The following RASGRP4 variants were observed in gnomAD, a reference collection of about 807,000 sequenced individuals.
The protein encoded by RASGRP4 is RAS guanyl releasing protein 4, also known as RAS guanyl-releasing protein 4.
A neutral mutation model predicts 84.4 loss-of-function variants in RASGRP4; 52 were observed. The ratio of observed to expected loss-of-function variants is 0.62; its 90% confidence interval spans 0.49 to 0.78. The LOEUF (loss-of-function observed/expected upper bound fraction) is 0.78. Among genes scored for constraint, RASGRP4 ranks in the 30% least tolerant of loss-of-function variants. The pLI is 0.00. For synonymous variants in RASGRP4, 356 were observed against 359.1 expected (o/e 0.99, Z 0.10); for missense variants, 760 against 886.9 (o/e 0.86, Z 1.82).
chr19:38,424,190 G>C (rs1971887981), intron 1 of RASGRP4, among the ~76,000 whole-genome samples: 1 of 151,966 alleles, frequency 6.6e-6, no homozygotes, highest in South Asian at 2.1e-4. Context: ...TGCGATCTCA[G>C]CTCACTGCAA....
chr19:38,410,516 G>A (rs1971193506), intron 16 of RASGRP4, among the ~76,000 whole-genome samples: 1 of 151,308 alleles, frequency 6.6e-6, no homozygotes, highest in African/African-American at 2.4e-5. Context: ...GGGCTCAAGT[G>A]ATTCTCCTGC....
Position 38,409,079 on chromosome 19 carries a change from A to T in RASGRP4, c.*961T>A. 2.3e-5 allele frequency: 10 copies of T among 434,058 alleles called. No homozygotes were observed. The highest frequency in any genetic ancestry group is 5.4e-5 in the East Asian group (1 of 18,582). 26.9% of individuals were successfully genotyped at this position (434,058 alleles called of 1,614,324 possible). A position where few individuals can be genotyped will look rare whatever the true frequency, so the allele number is the denominator to read the frequency against. ...GTTCTCCAGAGAATAAATTTAATTT[A>T]TGACAGCTGTAGGACCTCTCTCTGT... On this transcript the variant is annotated 3_prime_UTR_variant, in exon 17 of 17. Transcript: ENST00000615439.
In RASGRP4 at chr19:38,412,759, G is replaced by C; in HGVS notation, c.1593C>G (p.Ile531Met). Residue 531 changes from isoleucine (I) to methionine (M), a missense_variant, in exon 13 of 17, where the codon ATC becomes ATG. Physicochemically the swap from Ile to Met is conservative, Grantham distance 10. Coordinates refer to ENST00000615439, the MANE Select transcript of RASGRP4 (RefSeq NM_170604.3). The surrounding 1 kb of genome is among the most constrained non-coding windows in gnomAD (Gnocchi z 4.6). ...LTGYLLRASA[I>M]CSKLGLAFLH... ...GGAAGGCCAGGCCCAACTTGGAGCAGATGGCGCTGGCCCGGAGCAGGTACC... is the reference window on the plus strand; with the variant it reads ...GGAAGGCCAGGCCCAACTTGGAGCACATGGCGCTGGCCCGGAGCAGGTACC... The C allele has an allele frequency of 6.2e-7, 1 of 1,609,920 alleles. No individual in the cohort carries two copies. Among genetic ancestry groups the C allele is most frequent in the Non-Finnish European group, 8.5e-7 (1 of 1,178,066 alleles).
rs1414201030 is a variant in RASGRP4, at chr19:38,412,692, A to G, written c.1660T>C (p.Cys554Arg). 2 of 1,613,460 alleles carry G rather than the reference A, an allele frequency of 1.2e-6. No individual in the cohort carries two copies. Among genetic ancestry groups the G allele is most frequent in the Admixed American group, 1.7e-5 (1 of 59,932 alleles). Residue 554 changes from cysteine (C) to arginine (R), a missense_variant, in exon 13 of 17, where the codon TGC (cysteine) becomes CGC (arginine). Cys to Arg is a radical substitution (Grantham distance 180). Transcript: ENST00000615439. The surrounding 1 kb of genome is among the most constrained non-coding windows in gnomAD (Gnocchi z 4.6). ...CTCACGAAGCCACTGCAGCTGTCGC[A>G]GAAGGTAGGCTTTCGGAAGGTGACC... ...HEVTFRKPTF[C>R]DSCSGFLWGV...
Position 38,413,115 on chromosome 19 carries a change from T to TC in RASGRP4, c.1417-67dup, listed in dbSNP as rs1971339101. On this transcript the variant is annotated intron_variant, in intron 11 of 16. Transcript: ENST00000615439. This position sits in a 1 kb window ranked among gnomAD's most constrained non-coding sequence, Gnocchi z 4.7. ...GAAATATGATCCCCATGGCCATAAG[T>TC]CCCCACCTCCAGGCTCAGGGTTCTA... 6.4e-7 allele frequency: 1 copy of TC among 1,571,888 alleles called. No individual in the cohort carries two copies. The highest frequency in any genetic ancestry group is 8.8e-7 in the Non-Finnish European group (1 of 1,141,944).
At chr19:38,419,815 C>A in intron 6 of RASGRP4, 45 bp downstream of exon 6, 1 of 1,535,744 alleles carries the variant, frequency 6.5e-7, no homozygotes, top group South Asian at 1.2e-5. Context: ...CTCCCCTACC[C>A]CAGTGTCTCC....
Position 38,417,175 on chromosome 19 carries a change from A to G in RASGRP4, c.838-7T>C. ...TCTGCAGCTGGTGGAGCCTCTAGGAAGAGAAGCATGCACACAGGGCCGTCA... is the reference window on the plus strand; with the variant it reads ...TCTGCAGCTGGTGGAGCCTCTAGGAGGAGAAGCATGCACACAGGGCCGTCA... On this transcript the variant is annotated splice_region_variant and splice_polypyrimidine_tract_variant and intron_variant, in intron 7 of 16. Transcript: ENST00000615439. This position sits in a 1 kb window ranked among gnomAD's most constrained non-coding sequence, Gnocchi z 5.1. The G allele has an allele frequency of 6.5e-7, 1 of 1,542,482 alleles. No individual in the cohort carries two copies. Among genetic ancestry groups the G allele is most frequent in the African/African-American group, 1.4e-5 (1 of 73,020 alleles).
Position 38,411,107 on chromosome 19 carries a change from G to C in RASGRP4, c.1852+8C>G. The C allele has an allele frequency of 6.2e-7, 1 of 1,613,180 alleles. No homozygotes were observed. On this transcript the variant is annotated splice_region_variant and intron_variant, in intron 15 of 16. Coordinates refer to ENST00000615439, the MANE Select transcript of RASGRP4 (RefSeq NM_170604.3). ...CCCTTCCCAGCACCGGTGTGCTCTA[G>C]GTCTTACCACAGCTGGCATGGGGAG...
Position 38,418,701 on chromosome 19 carries a change from T to TCAGCAACCC in RASGRP4, c.664-138_664-137insGGGTTGCTG. 1.2e-6 allele frequency: 1 copy of TCAGCAACCC among 818,274 alleles called. No homozygotes were observed. Among genetic ancestry groups the TCAGCAACCC allele is most frequent in the South Asian group, 1.9e-5 (1 of 53,188 alleles). The allele number at this position is 818,274 out of a possible 1,614,324, so 50.7% of individuals were successfully genotyped here. The stretch of plus-strand genomic sequence containing the variant: ...ACCTTTGTCATCTGTCCCCCAACCC[T>TCAGCAACCC]CAGGCTGCTACATGTCCTTAACGTC... On this transcript the variant is annotated intron_variant, in intron 6 of 16. Coordinates refer to ENST00000615439, the MANE Select transcript of RASGRP4 (RefSeq NM_170604.3). The surrounding 1 kb of genome is among the most constrained non-coding windows in gnomAD (Gnocchi z 4.6).
In RASGRP4 at chr19:38,415,104, T is replaced by A; in HGVS notation, c.974A>T (p.Glu325Val). Residue 325 changes from glutamate (E) to valine (V), a missense_variant, in exon 9 of 17, where the codon GAG (glutamate) becomes GTG (valine). Physicochemically the swap from Glu to Val is moderately radical, Grantham distance 121. Transcript: ENST00000615439. ...DSTKALLELTELLASHNNYAR... is the reference protein window; with the variant it reads ...DSTKALLELTVLLASHNNYAR... ...GTAGTTGTTGTGGGAGGCAAGGAGC[T>A]CAGTGAGCTCCAGGAGGGCCTGGGG... 1 of 1,597,402 alleles carries A rather than the reference T, an allele frequency of 6.3e-7. No homozygotes were observed. The highest frequency in any genetic ancestry group is 8.5e-7 in the Non-Finnish European group (1 of 1,171,692).
intron 16 of RASGRP4, 146 bp from the exon 17 acceptor site, chr19:38,410,242 CA>C (rs1971172725): frequency 1.7e-6 from 1 of 601,782 alleles, no homozygotes; most frequent in Admixed American, 3.3e-5. Flanking sequence ...TTTTGTAACC[CA>C]ATCTGAGAGT....
At chr19:38,420,302 G>A in intron 4 of RASGRP4, 40 bp from the exon 5 acceptor site, 4 of 1,602,884 alleles carry the variant, frequency 2.5e-6, no homozygotes, top group Non-Finnish European at 3.4e-6. Context: ...GGCCGGGGGT[G>A]GCGAAGGTCT....
Position 38,414,911 on chromosome 19 carries a change from C to T in RASGRP4, c.1167G>A (p.Leu389=), listed in dbSNP as rs1971431776. The T allele has an allele frequency of 1.2e-6, 2 of 1,610,974 alleles. No individual in the cohort carries two copies. Among genetic ancestry groups the T allele is most frequent in the African/African-American group, 1.3e-5 (1 of 74,922 alleles). Residue 389 remains leucine, a synonymous_variant, in exon 9 of 17, where the codon CTG becomes CTA. Transcript: ENST00000615439. ...LNNLYLRLQE[L]VALQGQHPPC... is the part of the protein sequence containing the mutation. ...GTGGATGCTGCCCTTGGAGGGCCACCAGCTCCTGCAGCCGCAGGTAGAGGT... is the reference window on the plus strand; with the variant it reads ...GTGGATGCTGCCCTTGGAGGGCCACTAGCTCCTGCAGCCGCAGGTAGAGGT...
At position 38,413,305 on chromosome 19, in the gene RASGRP4, G is replaced by A. The variant is rs772215099; in HGVS notation, c.1312-8C>T. 50 of 1,611,522 alleles carry A rather than the reference G, an allele frequency of 3.1e-5. 1 individual carries two copies. The Middle Eastern group carries it at 6.6e-4, about 21-fold the overall frequency. Reference sequence around the variant, plus strand: ...ATTGAAGGGGGAGGGTGGCTGGGGCGGGGACAGAGGAGCACAGTTAGTCAC... The same window carrying A: ...ATTGAAGGGGGAGGGTGGCTGGGGCAGGGACAGAGGAGCACAGTTAGTCAC... On this transcript the variant is annotated splice_polypyrimidine_tract_variant and splice_region_variant and intron_variant, in intron 10 of 16. Transcript: ENST00000615439. This position sits in a 1 kb window ranked among gnomAD's most constrained non-coding sequence, Gnocchi z 4.7.
At chr19:38,419,738 G>A (rs1442084103) in intron 6 of RASGRP4, 122 bp downstream of exon 6, 4 of 1,027,532 alleles carry the variant, frequency 3.9e-6, no homozygotes, top group South Asian at 1.6e-5. Flanking sequence ...TTGAGTTTAA[G>A]ACTTTGAGAT....
At position 38,410,059 on chromosome 19, in the gene RASGRP4, G is replaced by A; in HGVS notation, c.2003C>T (p.Ser668Phe). ...AGATGTCTAGGAATCCAGCTTGGAG[G>A]ATGCAGTTGATGGTGGGTCCATCAC... ...CPVMDPPSTA[S>F]SKLDS The change falls in exon 17 of 17, where the codon TCC becomes TTC. Residue 668 changes from serine (S) to phenylalanine (F), a missense_variant. Physicochemically the swap from Ser to Phe is radical, Grantham distance 155. Transcript: ENST00000615439. 1 of 1,612,522 alleles carries A rather than the reference G, an allele frequency of 6.2e-7. No individual in the cohort carries two copies. The highest frequency in any genetic ancestry group is 8.5e-7 in the Non-Finnish European group (1 of 1,179,192).
intron 8 of RASGRP4, among the ~76,000 whole-genome samples, chr19:38,415,354 A>ATCTT (rs1971455016): frequency 6.7e-6 from 1 of 148,418 alleles, no homozygotes; most frequent in African/African-American, 2.5e-5. Context: ...GATTTCTTTT[A>ATCTT]TCTTTCTTTC....
rs1006184579 is a variant in RASGRP4, at chr19:38,422,222, C to T, written c.24-69G>A. 1.5e-5 allele frequency: 22 copies of T among 1,429,706 alleles called. No individual in the cohort carries two copies. In the East Asian group the frequency reaches 1.9e-4, roughly 12 times the overall value. 88.6% of individuals were successfully genotyped at this position (1,429,706 alleles called of 1,614,324 possible). On this transcript the variant is annotated intron_variant, in intron 1 of 16. Transcript: ENST00000615439. Reference sequence around the variant, plus strand: ...GGACAGACCCTAGAATTCCTTTTGACTCTAATGCCCCAAGGCACCACGGGA... The same window carrying T: ...GGACAGACCCTAGAATTCCTTTTGATTCTAATGCCCCAAGGCACCACGGGA...
chr19:38,418,300 C>T lies in RASGRP4; in HGVS notation c.837+91G>A. 2.9e-6 allele frequency: 4 copies of T among 1,361,860 alleles called. No individual in the cohort carries two copies. The highest frequency in any genetic ancestry group is 4.0e-6 in the Non-Finnish European group (4 of 988,334). 84.4% of individuals were successfully genotyped at this position (1,361,860 alleles called of 1,614,324 possible). A position where few individuals can be genotyped will look rare whatever the true frequency, so the allele number is the denominator to read the frequency against. On this transcript the variant is annotated intron_variant, in intron 7 of 16. Coordinates refer to ENST00000615439, the MANE Select transcript of RASGRP4 (RefSeq NM_170604.3). This position sits in a 1 kb window ranked among gnomAD's most constrained non-coding sequence, Gnocchi z 4.6. ...GCCGGGAGATGCGTGACGTCACCGC[C>T]GGGATGACCCTGTGGGGTCGAGGGT...
Sources: allele counts gnomAD v4.1 joint callset (sites outside exome capture counted in the v4.1 genomes callset), GRCh38; gene constraint gnomAD v4.1.1; non-coding constraint Gnocchi (gnomAD v3.1); transcripts MANE v1.5; gene names NCBI Gene and HGNC (gene_info 2026-07-23, HGNC 2026-07-21).